TUBB8: variants seen among roughly 807,000 people sequenced by gnomAD.
TUBB8 encodes tubulin beta 8 class VIII.
A neutral mutation model predicts 33.7 loss-of-function variants in TUBB8; 25 were observed. That is an observed-to-expected ratio of 0.74 (90% CI 0.54 to 1.04). The LOEUF (loss-of-function observed/expected upper bound fraction) is 1.04. Among genes scored for constraint, TUBB8 ranks in the 50% least tolerant of loss-of-function variants. The pLI is 0.00. For missense variants in TUBB8, 279 were observed against 608.0 expected, an observed-to-expected ratio of 0.46 and a Z score of 5.69; for synonymous variants, 245 against 240.1, an observed-to-expected ratio of 1.02 and a Z score of -0.19.
intron 1 of TUBB8, among the ~76,000 whole-genome samples, chr10:56,510 C>T (rs1834532759): frequency 6.6e-6 from 1 of 152,224 alleles, no homozygotes; most frequent in Admixed American, 6.5e-5. Context: ...CTGGTGAAGC[C>T]TCTGACAACT....
In TUBB8 at chr10:57,291, C is replaced by A. The variant is rs560805210; in HGVS notation, c.-845-7058G>T. 5.9e-5 allele frequency among the ~76,000 whole-genome samples: 9 copies of A among 152,334 alleles called. No individual in the cohort carries two copies. The East Asian group carries it at 1.7e-3, about 29-fold the overall frequency. ...AAGTGCAAGCTGTAGCTAGATCTAC[C>A]ATTCTGGGGTCTGGAGGACAGTGAT... On this transcript the variant is annotated intron_variant, in intron 1 of 3. Transcript: ENST00000564130.
At chr10:64,977 A>T (rs1554741373) in intron 1 of TUBB8, among the ~76,000 whole-genome samples, 7 of 2,178 alleles carry the variant, frequency 3.2e-3, no homozygotes, top group Non-Finnish European at 4.7e-3. Flanking sequence ...ATCTCCACTA[A>T]AAAAAAAAAA....
rs557859651 is a variant in TUBB8, at chr10:47,993, G to A, written c.399C>T (p.Phe133=). The stretch of plus-strand genomic sequence containing the variant: ...CCCCACCCAGGGAGTGGGTCAGCTG[G>A]AAACCCTGCAGGCAGTCACAGCTCT... ...EAESCDCLQG[F]QLTHSLGGGT... The change falls in exon 4 of 4, where the codon TTC becomes TTT. Residue 133 remains phenylalanine (F), a synonymous_variant. Transcript: ENST00000568584. 354 of 1,614,048 alleles carry A rather than the reference G, an allele frequency of 2.2e-4. 2 individuals carry two copies. The South Asian group carries it at 3.2e-3, about 15-fold the overall frequency.
At chr10:58,560 A>G (rs1282456701) in intron 1 of TUBB8, among the ~76,000 whole-genome samples, 1 of 152,262 alleles carries the variant, frequency 6.6e-6, no homozygotes, top group Non-Finnish European at 1.5e-5. Flanking sequence ...CTGGAAGTTT[A>G]CAGTCATGGC....
At chr10:62,590 G>A (rs1834617197) in intron 1 of TUBB8, among the ~76,000 whole-genome samples, 2 of 152,120 alleles carry the variant, frequency 1.3e-5, no homozygotes, top group South Asian at 4.1e-4. Flanking sequence ...GTTGAGTTCT[G>A]TACCTTCAGA....
chr10:59,130 T>G (rs1834567462), intron 1 of TUBB8, among the ~76,000 whole-genome samples: 1 of 152,236 alleles, frequency 6.6e-6, no homozygotes, highest in Non-Finnish European at 1.5e-5. Flanking sequence ...GGTTTATTAT[T>G]AAAGAATATT....
chr10:58,700 T>C (rs1834562589), intron 1 of TUBB8, among the ~76,000 whole-genome samples: 1 of 152,186 alleles, frequency 6.6e-6, no homozygotes, highest in African/African-American at 2.4e-5. Context: ...TAGTACCAAG[T>C]GGGATGGTGC....
chr10:65,356 A>T (rs1441473749), intron 1 of TUBB8, among the ~76,000 whole-genome samples: 1 of 152,256 alleles, frequency 6.6e-6, no homozygotes, highest in Non-Finnish European at 1.5e-5. Flanking sequence ...GCAATTTAAT[A>T]CTAAACCACA....
rs573965253 is a variant in TUBB8, at chr10:61,539, A to G, written c.-845-11306T>C. ...ACTTAACATATGGTCTATCCTTGAA[A>G]ATAACCCATGTGCAGAGAAGAATGT... is the stretch of plus-strand genomic sequence containing the variant. On this transcript the variant is annotated intron_variant, in intron 1 of 3. Transcript: ENST00000564130. Among the ~76,000 whole-genome samples, 904 of 152,348 alleles carry G rather than the reference A, an allele frequency of 5.9e-3. 4 individuals are homozygous for G. Among genetic ancestry groups the G allele is most frequent in the Non-Finnish European group, 0.01 (704 of 68,028 alleles).
At chr10:67,379 C>T (rs1834684611) in intron 1 of TUBB8, among the ~76,000 whole-genome samples, 1 of 152,110 alleles carries the variant, frequency 6.6e-6, no homozygotes, top group African/African-American at 2.4e-5. Context: ...CTTGAATTTA[C>T]TTCAGCAATG....
At chr10:65,081 G>C (rs1157277199) in intron 1 of TUBB8, among the ~76,000 whole-genome samples, 2 of 152,156 alleles carry the variant, frequency 1.3e-5, no homozygotes, top group African/African-American at 4.8e-5. Context: ...CCAGGAGTTG[G>C]AGGTTGCTAT....
At position 48,372 on chromosome 10, in the gene TUBB8, G is replaced by C. The variant is rs1353279908; in HGVS notation, c.277+243C>G. On this transcript the variant is annotated intron_variant, in intron 3 of 3. Transcript: ENST00000568584. ...CTGCCCATTCTCAGGAAAGGCAGTA[G>C]CCACGGCCCCAGCTCAGGTTCTTGC... 3 of 631,392 alleles carry C rather than the reference G, an allele frequency of 4.8e-6. No individual in the cohort carries two copies. The African/African-American group carries it at 5.5e-5, about 12-fold the overall frequency. 39.1% of individuals were successfully genotyped at this position (631,392 alleles called of 1,614,324 possible).
chr10:70,266 TTTTG>T (rs1325146982), intron 1 of TUBB8, among the ~76,000 whole-genome samples: 6 of 63,832 alleles, frequency 9.4e-5, no homozygotes, highest in East Asian at 2.5e-4. Flanking sequence ...TGTTGTTTTG[TTTTG>T]TTTTTGTTTT....
At chr10:48,310 C>A (rs1389849213) in intron 3 of TUBB8, 196 bp from the exon 4 acceptor site, 2 of 672,798 alleles carry the variant, frequency 3.0e-6, no homozygotes, top group Admixed American at 2.4e-5. Context: ...AGGAGTCAAA[C>A]CTGAGACGGG....
At chr10:72,173 C>G (rs1434899734) in intron 1 of TUBB8, among the ~76,000 whole-genome samples, 2 of 144,554 alleles carry the variant, frequency 1.4e-5, no homozygotes, top group Admixed American at 7.0e-5. Flanking sequence ...TGCAGTGAGC[C>G]AAGATCGGGA....
At chr10:52,542 TAAAGAG>T, upstream of TUBB8, among the ~76,000 whole-genome samples, 1 of 152,382 alleles carries the variant, frequency 6.6e-6, no homozygotes, top group African/African-American at 2.4e-5. Context: ...TCTCTAACTA[TAAAGAG>T]AAAGAGTTAT....
At chr10:75,967 G>A (rs551171729), upstream of TUBB8, among the ~76,000 whole-genome samples, 3 of 151,758 alleles carry the variant, frequency 2.0e-5, no homozygotes, top group East Asian at 1.9e-4. Flanking sequence ...AGTGAAACCC[G>A]TCTCAACTAA....
At chr10:76,387 CT>C (rs1834814781), upstream of TUBB8, among the ~76,000 whole-genome samples, 8 of 152,164 alleles carry the variant, frequency 5.3e-5, no homozygotes, top group African/African-American at 1.9e-4. Flanking sequence ...AAAGTGAAGT[CT>C]GGGTACAAAT....
At position 47,949 on chromosome 10, in the gene TUBB8, C is replaced by T. The variant is rs1419399449; in HGVS notation, c.443G>A (p.Gly148Asp). Residue 148 changes from glycine to aspartate, a missense_variant, in exon 4 of 4, where the codon GGT (glycine) becomes GAT (aspartate). This residue lies in a region of TUBB8 where 96 missense variants were observed against 233.7 expected (regional missense o/e 0.41). Transcript: ENST00000568584. ...CCGGATCTTACTGAGCAGAAGGGTA[C>T]CCATCCCAGACCCAGTCCCCCCACC... is the stretch of plus-strand genomic sequence containing the variant. ...SLGGGTGSGM[G>D]TLLLSKIREE... is the part of the protein sequence containing the mutation. 6.2e-7 allele frequency: 1 copy of T among 1,614,136 alleles called. No individual in the cohort carries two copies. The highest frequency in any genetic ancestry group is 1.1e-5 in the South Asian group (1 of 91,078).
Sources: allele counts gnomAD v4.1 joint callset (sites outside exome capture counted in the v4.1 genomes callset), GRCh38; gene constraint gnomAD v4.1.1; regional missense constraint gnomAD v4.1.1; transcripts MANE v1.5; gene names NCBI Gene and HGNC (gene_info 2026-07-23, HGNC 2026-07-21).